TMC7: variants seen among roughly 807,000 people sequenced by gnomAD.
TMC7 encodes the protein transmembrane channel-like protein 7.
TMC7 carries 54 observed loss-of-function variants against 82.9 expected under a neutral mutation model. The ratio of observed to expected loss-of-function variants is 0.65; its 90% CI spans 0.52 to 0.82. TMC7 has a LOEUF of 0.82. TMC7 is among the 40% of genes least tolerant of loss of function. The probability of loss-of-function intolerance (pLI) is 0.00; values close to 1 mark genes in which losing one functional copy is unlikely to be tolerated. For synonymous variants in TMC7, 350 were observed against 337.9 expected (o/e 1.04, Z -0.39); for missense variants, 820 against 901.2 (o/e 0.91, Z 1.15).
intron 2 of TMC7, among the ~76,000 whole-genome samples, chr16:19,015,190 C>G (rs1433669833): frequency 6.6e-6 from 1 of 151,934 alleles, no homozygotes; most frequent in African/African-American, 2.4e-5. Flanking sequence ...TCTTGAACTC[C>G]TGGCTTCATG....
intron 13 of TMC7, among the ~76,000 whole-genome samples, 164 bp downstream of exon 13, chr16:19,051,980 C>T (rs572332183): frequency 1.3e-5 from 2 of 152,038 alleles, no homozygotes; most frequent in East Asian, 1.9e-4. Flanking sequence ...CTGCAACCTC[C>T]GTCTCCCAGG....
chr16:19,017,974 A>G (rs1191760849), intron 3 of TMC7, among the ~76,000 whole-genome samples: 1 of 152,054 alleles, frequency 6.6e-6, no homozygotes, highest in African/African-American at 2.4e-5. Context: ...CTGGCTCCAA[A>G]AAAAGCTTTA....
intron 12 of TMC7, among the ~76,000 whole-genome samples, chr16:19,048,857 AGGCCCT>A (rs1567527898): frequency 6.6e-6 from 1 of 152,214 alleles, no homozygotes. Flanking sequence ...CTGTTATGCC[AGGCCCT>A]GAGGATTCAA....
At chr16:19,030,521 G>A in intron 6 of TMC7, 152 bp downstream of exon 6, 2 of 759,298 alleles carry the variant, frequency 2.6e-6, no homozygotes, top group African/African-American at 1.8e-5. Context: ...GGCAGCTGAA[G>A]AGACCTGGGA....
At chr16:19,058,321 A>C (rs1055436662) in intron 14 of TMC7, among the ~76,000 whole-genome samples, 7 of 152,158 alleles carry the variant, frequency 4.6e-5, no homozygotes, top group East Asian at 1.9e-4. Context: ...CAGAGGTTGC[A>C]GTGAGCTGAG....
intron 2 of TMC7, among the ~76,000 whole-genome samples, chr16:19,013,128 T>C (rs1017782374): frequency 7.9e-5 from 12 of 151,378 alleles, no homozygotes; most frequent in Non-Finnish European, 1.5e-4. Flanking sequence ...GAAGGACAAT[T>C]CTAATTGCTA....
chr16:18,992,870 C>G (rs1382997932), intron 1 of TMC7, among the ~76,000 whole-genome samples: 3 of 152,110 alleles, frequency 2.0e-5, no homozygotes, highest in African/African-American at 4.8e-5. Flanking sequence ...TTCCCCATTT[C>G]TTGTTATTGT....
At chr16:19,037,746 T>A in intron 7 of TMC7, 128 bp from the exon 8 acceptor site, 1 of 1,014,582 alleles carries the variant, frequency 9.9e-7, no homozygotes, top group Non-Finnish European at 1.4e-6. Context: ...GTGCTAGGGT[T>A]ACAGGAGTGA....
rs535533414 is a variant in TMC7 at position 18,998,398 on chromosome 16, C to T, written c.68-10774C>T. ...TAACTGCCAGGCCTTGCCACCTTCT[C>T]GGACAGACAGAATTGCAGTAACTGC... On this transcript the variant is annotated intron_variant, in intron 1 of 15. Coordinates refer to ENST00000304381, the MANE Select transcript of TMC7 (RefSeq NM_024847.4). Among the ~76,000 whole-genome samples the T allele has an allele frequency of 3.9e-5, 6 of 152,262 alleles. No homozygotes were observed. In the East Asian group the frequency reaches 7.7e-4, roughly 20 times the overall value.
intron 1 of TMC7, among the ~76,000 whole-genome samples, chr16:18,998,489 T>G (rs555389932): frequency 1.1e-4 from 16 of 151,802 alleles, no homozygotes; most frequent in African/African-American, 3.6e-4. Context: ...ACGCGGTGGC[T>G]CACGCCTGTA....
chr16:19,007,435 A>G (rs939047499), intron 1 of TMC7, among the ~76,000 whole-genome samples: 6 of 152,196 alleles, frequency 3.9e-5, no homozygotes, highest in Admixed American at 1.3e-4. Context: ...GAGGCCACCA[A>G]CGAAACCGCC....
intron 11 of TMC7, among the ~76,000 whole-genome samples, chr16:19,046,483 G>A (rs1049421979): frequency 1.4e-4 from 21 of 152,116 alleles, no homozygotes; most frequent in African/African-American, 5.1e-4. Context: ...CTTAACCACT[G>A]TTTACCCACA....
intron 6 of TMC7, among the ~76,000 whole-genome samples, chr16:19,031,354 G>A (rs997779631): frequency 6.6e-6 from 1 of 152,208 alleles, no homozygotes; most frequent in Non-Finnish European, 1.5e-5. Flanking sequence ...CTTCAGCTGT[G>A]GCCAGGGGCT....
At chr16:19,000,188 A>G (rs1481620187) in intron 1 of TMC7, among the ~76,000 whole-genome samples, 2 of 151,964 alleles carry the variant, frequency 1.3e-5, no homozygotes, top group African/African-American at 4.8e-5. Flanking sequence ...CAATTCAGCC[A>G]GGCATGGTGG....
Position 19,061,863 on chromosome 16 carries a change from G to T in TMC7, c.*20G>T. The T allele has an allele frequency of 6.2e-7, 1 of 1,609,018 alleles. No homozygotes were observed. The highest frequency in any genetic ancestry group is 8.5e-7 in the Non-Finnish European group (1 of 1,176,982). The stretch of plus-strand genomic sequence containing the variant: ...AACTAACTAGACTGAGCGTGAAGAT[G>T]GTGCTGCCTGTTGCTTCTAAGCTGA... On this transcript the variant is annotated 3_prime_UTR_variant, in exon 16 of 16. Coordinates refer to ENST00000304381, the MANE Select transcript of TMC7 (RefSeq NM_024847.4).
intron 1 of TMC7, among the ~76,000 whole-genome samples, chr16:19,006,046 C>T (rs1027655548): frequency 6.6e-6 from 1 of 152,214 alleles, no homozygotes; most frequent in Non-Finnish European, 1.5e-5. Flanking sequence ...CCTGGCCCTG[C>T]CCCTGCCCAT....
At chr16:19,059,384 C>G (rs1287435925) in intron 14 of TMC7, 32 bp from the exon 15 acceptor site, 1 of 1,603,754 alleles carries the variant, frequency 6.2e-7, no homozygotes, top group East Asian at 2.2e-5. Flanking sequence ...ATGATCCAGA[C>G]TCCCTTGTGA....
chr16:18,999,590 T>TG (rs2039105482), intron 1 of TMC7, among the ~76,000 whole-genome samples: 1 of 152,194 alleles, frequency 6.6e-6, no homozygotes. Flanking sequence ...TGGTGATAGT[T>TG]GCTCAGTAAA....
intron 13 of TMC7, among the ~76,000 whole-genome samples, chr16:19,052,133 C>T (rs1380114500): frequency 6.6e-6 from 1 of 152,048 alleles, no homozygotes; most frequent in African/African-American, 2.4e-5. Flanking sequence ...GGTTTCGCCA[C>T]GTTGGCCAGG....
Sources: gnomAD v4.1 joint callset for allele counts (sites outside exome capture counted in the v4.1 genomes callset) on GRCh38, gnomAD v4.1.1 for gene constraint, MANE v1.5 for transcripts, NCBI Gene and HGNC (gene_info 2026-07-23, HGNC 2026-07-21) for gene names.